Variants in PRKAR1B observed in about 807,000 individuals in gnomAD.
PRKAR1B encodes the protein cAMP-dependent protein kinase type I-beta regulatory subunit.
PRKAR1B carries 22 observed loss-of-function variants against 46.5 expected under a neutral mutation model. The ratio of observed to expected loss-of-function variants is 0.47; its 90% CI spans 0.34 to 0.68. PRKAR1B has a LOEUF of 0.68. Among genes scored for constraint, PRKAR1B ranks in the 30% least tolerant of loss-of-function variants. The probability of loss-of-function intolerance (pLI) is 0.01; values close to 1 mark genes in which losing one functional copy is unlikely to be tolerated. For missense variants in PRKAR1B, 445 were observed against 535.6 expected (o/e 0.83, Z 1.67); for synonymous variants, 259 against 217.7 (o/e 1.19, Z -1.67).
chr7:713,619 CCACACTCACCTGTA>C (rs1780769245), intron 1 of PRKAR1B, among the ~76,000 whole-genome samples: 1 of 152,018 alleles, frequency 6.6e-6, no homozygotes, highest in South Asian at 2.1e-4. Context: ...CTCACCTGGT[CCACACTCACCTGTA>C]CACACTCACC....
intron 4 of PRKAR1B, among the ~76,000 whole-genome samples, chr7:630,974 A>G (rs1318188613): frequency 6.7e-6 from 1 of 148,270 alleles, no homozygotes; most frequent in East Asian, 2.0e-4. Flanking sequence ...TTTTTTAAAG[A>G]CAGAGTCTTG....
In PRKAR1B at chr7:596,275, G is replaced by A; in HGVS notation, c.579C>T (p.Asn193=). Reference sequence around the variant, plus strand: ...CCCCGAAGCTGCCTCCCTCGCTGATGTTGGTCACCCACTCTCCGTTCACGT... The same window carrying A: ...CCCCGAAGCTGCCTCCCTCGCTGATATTGGTCACCCACTCTCCGTTCACGT... ...DVYVNGEWVT[N]ISEGGSFGEL... Residue 193 remains asparagine (N), a synonymous_variant, in exon 7 of 11, where the codon AAC becomes AAT. Transcript: ENST00000537384. The A allele has an allele frequency of 1.2e-6, 2 of 1,613,762 alleles. No individual in the cohort carries two copies. Among genetic ancestry groups the A allele is most frequent in the African/African-American group, 1.3e-5 (1 of 75,070 alleles).
intron 9 of PRKAR1B, among the ~76,000 whole-genome samples, chr7:555,524 G>A (rs1251422956): frequency 1.3e-5 from 2 of 152,182 alleles, no homozygotes; most frequent in African/African-American, 2.4e-5. Flanking sequence ...CCTTCAGGCT[G>A]GACCCTCCTC....
chr7:662,047 C>A (rs1404698999), intron 4 of PRKAR1B, among the ~76,000 whole-genome samples: 2 of 67,696 alleles, frequency 3.0e-5, no homozygotes, highest in African/African-American at 6.3e-5. Context: ...ACTCTCCCCC[C>A]CATGGCACAG....
intron 2 of PRKAR1B, among the ~76,000 whole-genome samples, chr7:686,569 GT>G (rs1779108622): frequency 6.6e-6 from 1 of 152,080 alleles, no homozygotes; most frequent in Non-Finnish European, 1.5e-5. Flanking sequence ...TGACATGGTT[GT>G]TCTTGCAGTT....
At chr7:701,235 G>GGGAA in intron 2 of PRKAR1B, among the ~76,000 whole-genome samples, 1 of 141,520 alleles carries the variant, frequency 7.1e-6, no homozygotes, top group African/African-American at 2.6e-5. Flanking sequence ...GAAGGAGGGA[G>GGGAA]GGAAGGAAGG....
At chr7:648,530 G>T (rs1370018821) in intron 4 of PRKAR1B, among the ~76,000 whole-genome samples, 2 of 152,162 alleles carry the variant, frequency 1.3e-5, no homozygotes, top group Non-Finnish European at 2.9e-5. Flanking sequence ...AGAATCACTT[G>T]AACCCAGGAG....
intron 1 of PRKAR1B, among the ~76,000 whole-genome samples, chr7:712,063 G>C (rs897667619): frequency 1.3e-5 from 2 of 151,650 alleles, no homozygotes; most frequent in African/African-American, 4.8e-5. Context: ...GGCGGTGGTG[G>C]GGGGGTGGGG....
intron 9 of PRKAR1B, among the ~76,000 whole-genome samples, chr7:569,244 C>T (rs568194390): frequency 6.6e-6 from 1 of 152,310 alleles, no homozygotes; most frequent in South Asian, 2.1e-4. Context: ...AAACCCTGAG[C>T]GTGAGCTGAC....
rs1463553815 is a variant in PRKAR1B, at chr7:550,619, G to C, written c.974-17C>G. On this transcript the variant is annotated splice_polypyrimidine_tract_variant and intron_variant, in intron 10 of 10. Coordinates refer to ENST00000537384, the MANE Select transcript of PRKAR1B (RefSeq NM_001164760.2). ...CAATCTCCCCTGGGGGTTGAAGAGA[G>C]AGGTCAGGGCTGGGCCTGGGGGTCC... The C allele has an allele frequency of 1.9e-6, 3 of 1,540,298 alleles. No individual in the cohort carries two copies. In the African/African-American group the frequency reaches 4.1e-5, roughly 21 times the overall value.
At chr7:695,959 C>G (rs1434336319) in intron 2 of PRKAR1B, among the ~76,000 whole-genome samples, 1 of 144,658 alleles carries the variant, frequency 6.9e-6, no homozygotes, top group Non-Finnish European at 1.5e-5. Context: ...CCACTGCGCC[C>G]AACCCTTTTT....
intron 4 of PRKAR1B, among the ~76,000 whole-genome samples, chr7:670,633 T>C (rs1583393585): frequency 7.9e-6 from 1 of 126,548 alleles, no homozygotes; most frequent in African/African-American, 3.1e-5. Context: ...GAGGACGGCC[T>C]CCGAGCTCCC....
intron 8 of PRKAR1B, among the ~76,000 whole-genome samples, chr7:581,302 CAAAA>C (rs758386135): frequency 0.075 from 7,744 of 102,986 alleles, 746 homozygotes; most frequent in African/African-American, 0.25. Flanking sequence ...CACTCTGTCT[CAAAA>C]AAAAAAAAAA....
intron 6 of PRKAR1B, among the ~76,000 whole-genome samples, chr7:604,668 G>A (rs539383671): frequency 1.3e-5 from 2 of 152,324 alleles, no homozygotes; most frequent in East Asian, 1.9e-4. Flanking sequence ...AACACAGCGC[G>A]ATGGGGGACA....
intron 2 of PRKAR1B, among the ~76,000 whole-genome samples, chr7:682,108 G>A (rs938855565): frequency 2.6e-5 from 4 of 152,112 alleles, no homozygotes; most frequent in African/African-American, 9.7e-5. Flanking sequence ...GGAATCAGCA[G>A]GGCCAGGCAG....
Position 550,221 on chromosome 7 carries a change from G to A in PRKAR1B, c.*209C>T, listed in dbSNP as rs1306480734. 6.9e-6 allele frequency: 4 copies of A among 576,552 alleles called. No individual in the cohort carries two copies. The highest frequency in any genetic ancestry group is 1.9e-5 in the African/African-American group (1 of 52,770). The allele number at this position is 576,552 out of a possible 1,614,324, so 35.7% of individuals were successfully genotyped here. A position where few individuals can be genotyped will look rare whatever the true frequency, so the allele number is the denominator to read the frequency against. On this transcript the variant is annotated 3_prime_UTR_variant, in exon 11 of 11. Transcript: ENST00000537384. ...CCTGTCCCTTCCTTGATCTTGGGAT[G>A]CATTTTGTCCGCTTGTCCTTTGATT...
intron 4 of PRKAR1B, among the ~76,000 whole-genome samples, chr7:673,059 A>AC: frequency 7.5e-6 from 1 of 133,162 alleles, no homozygotes; most frequent in South Asian, 2.4e-4. Context: ...AAAAAAAAAA[A>AC]AAAAAAAAAA....
intron 7 of PRKAR1B, among the ~76,000 whole-genome samples, chr7:588,516 A>G (rs1463407883): frequency 2.3e-4 from 26 of 114,984 alleles, no homozygotes; most frequent in African/African-American, 7.5e-4. Context: ...GGTGATCACG[A>G]TGATGGTGGT....
chr7:719,285 C>A (rs78629570), intron 1 of PRKAR1B, among the ~76,000 whole-genome samples: 29,481 of 152,042 alleles, frequency 0.19, 3,203 homozygotes, highest in East Asian at 0.4. Context: ...AGTGATCCAC[C>A]CGCCTTAGCC....
Sources: gnomAD v4.1 joint callset for allele counts (sites outside exome capture counted in the v4.1 genomes callset) on GRCh38, gnomAD v4.1.1 for gene constraint, MANE v1.5 for transcripts, NCBI Gene and HGNC (gene_info 2026-07-23, HGNC 2026-07-21) for gene names.